The following MAP4K5 variants were observed in gnomAD, a reference collection of about 807,000 sequenced individuals.
MAP4K5 encodes MAPK/ERK kinase kinase kinase 5.
In MAP4K5, 82 loss-of-function variants were observed where a neutral mutation model predicts 135.6. That is an observed-to-expected ratio of 0.60 (90% confidence interval 0.51 to 0.73). The LOEUF (loss-of-function observed/expected upper bound fraction) is 0.73. Ranked by LOEUF, MAP4K5 falls within the 30% of genes least tolerant of loss-of-function variation. The probability of loss-of-function intolerance (pLI) is 0.00; values close to 1 mark genes in which losing one functional copy is unlikely to be tolerated. For missense variants in MAP4K5, 907 were observed against 1,010.9 expected (o/e 0.90, Z 1.39); for synonymous variants, 347 against 335.0 (o/e 1.04, Z -0.39).
chr14:50,507,873 G>C (rs1051129899), intron 2 of MAP4K5, among the ~76,000 whole-genome samples: 12 of 152,224 alleles, frequency 7.9e-5, no homozygotes, highest in African/African-American at 2.6e-4. Context: ...TCTGCTTGGT[G>C]CAGAGCTGAG....
chr14:50,552,070 CTG>C (rs1223320571), intron 1 of MAP4K5, among the ~76,000 whole-genome samples: 1 of 152,184 alleles, frequency 6.6e-6, no homozygotes, highest in African/African-American at 2.4e-5. Flanking sequence ...GGAAGTCAAA[CTG>C]TTGCTGTTCG....
chr14:50,556,334 G>C (rs2038765217), intron 1 of MAP4K5, among the ~76,000 whole-genome samples: 1 of 152,078 alleles, frequency 6.6e-6, no homozygotes, highest in Admixed American at 6.5e-5. Context: ...TCCCACCTCA[G>C]CCTCTTGAGT....
intron 32 of MAP4K5, among the ~76,000 whole-genome samples, chr14:50,420,531 C>A (rs1196600374): frequency 1.3e-5 from 2 of 152,150 alleles, no homozygotes; most frequent in African/African-American, 2.4e-5. Flanking sequence ...ACTCAGGACG[C>A]TGAGGCAGGA....
intron 2 of MAP4K5, among the ~76,000 whole-genome samples, chr14:50,522,759 G>A (rs1266225359): frequency 6.6e-6 from 1 of 152,098 alleles, no homozygotes; most frequent in Non-Finnish European, 1.5e-5. Context: ...TATTCATATA[G>A]TTCAGCTGTG....
Position 50,475,141 on chromosome 14 carries a change from C to G in MAP4K5, c.478G>C (p.Gly160Arg). Residue 160 changes from glycine to arginine, a missense_variant, in exon 9 of 33, where the codon GGT (glycine) becomes CGT (arginine). This residue lies in a region of MAP4K5 where 21 missense variants were observed against 44.2 expected (regional missense o/e 0.47). Coordinates refer to ENST00000682126, the MANE Select transcript of MAP4K5 (RefSeq NM_006575.6). ...GTAGCTGTTATTTTTGCAGCCACAC[C>G]AAAGTCAGCTAGTGAGGAAAAAAAC... Reference protein sequence around the residue: ...DHGDVKLADFGVAAKITATIA... With the variant: ...DHGDVKLADFRVAAKITATIA... The G allele has an allele frequency of 1.2e-6, 2 of 1,613,660 alleles. No homozygotes were observed. The highest frequency in any genetic ancestry group is 1.7e-6 in the Non-Finnish European group (2 of 1,179,684).
chr14:50,509,876 A>T (rs1595529764), intron 2 of MAP4K5, among the ~76,000 whole-genome samples: 1 of 152,212 alleles, frequency 6.6e-6, no homozygotes, highest in African/African-American at 2.4e-5. Flanking sequence ...ATCTTTGAAC[A>T]TACAGTATAA....
At chr14:50,452,956 T>C (rs1344688122) in intron 14 of MAP4K5, among the ~76,000 whole-genome samples, 2 of 152,152 alleles carry the variant, frequency 1.3e-5, no homozygotes, top group African/African-American at 4.8e-5. Context: ...GTACTTTATT[T>C]CTTAGTCACA....
At chr14:50,545,365 T>A (rs2038617836) in intron 1 of MAP4K5, among the ~76,000 whole-genome samples, 1 of 152,176 alleles carries the variant, frequency 6.6e-6, no homozygotes, top group Admixed American at 6.5e-5. Flanking sequence ...GCTTTTCTTA[T>A]AACAATTGGC....
At chr14:50,466,318 G>A (rs893050911) in intron 11 of MAP4K5, among the ~76,000 whole-genome samples, 1 of 143,228 alleles carries the variant, frequency 7.0e-6, no homozygotes, top group African/African-American at 2.6e-5. Flanking sequence ...GGAGTTTGAG[G>A]TTGCAGTGAG....
In MAP4K5 at chr14:50,445,043, A is replaced by G; in HGVS notation, c.1337T>C (p.Ile446Thr). The G allele has an allele frequency of 2.5e-6, 4 of 1,613,132 alleles. No homozygotes were observed. The South Asian group carries it at 4.4e-5, about 18-fold the overall frequency. ...GCTGCTAATAATGCTAGCCATACCA[A>G]TAGAAGAAGTCTCTGCCACAGGCCC... The part of the protein sequence containing the change: ...SCGPVAETSS[I>T]GNGDGISKLM... Residue 446 changes from isoleucine to threonine, a missense_variant and splice_region_variant, in exon 18 of 33, where the codon ATT (isoleucine) becomes ACT (threonine). Physicochemically the swap from Ile to Thr is moderately conservative, Grantham distance 89. Around this residue, in one of 3 missense-constraint regions of MAP4K5, gnomAD observed 690 missense variants for 777.4 expected, o/e 0.89. Transcript: ENST00000682126.
At chr14:50,462,632 T>C (rs1159673280) in intron 13 of MAP4K5, 33 bp downstream of exon 13, 2 of 1,456,896 alleles carry the variant, frequency 1.4e-6, no homozygotes, top group Non-Finnish European at 1.9e-6. Flanking sequence ...AAAACATTTA[T>C]TTTCAACTAT....
At chr14:50,424,572 T>C (rs1357047704) in intron 31 of MAP4K5, among the ~76,000 whole-genome samples, 2 of 151,668 alleles carry the variant, frequency 1.3e-5, no homozygotes, top group Non-Finnish European at 2.9e-5. Flanking sequence ...TAGCTGGGTG[T>C]GTTGGTGCAT....
chr14:50,421,871 G>A (rs1595409973), intron 32 of MAP4K5, among the ~76,000 whole-genome samples: 1 of 145,296 alleles, frequency 6.9e-6, no homozygotes, highest in East Asian at 2.1e-4. Flanking sequence ...ATCTACACCA[G>A]GATCAATGGA....
At chr14:50,437,577 T>G (rs746329249) in intron 25 of MAP4K5, 43 bp from the exon 26 acceptor site, 1 of 1,280,466 alleles carries the variant, frequency 7.8e-7, no homozygotes, top group South Asian at 1.3e-5. Flanking sequence ...CAGTAGTGGT[T>G]ACAACACAAT....
At chr14:50,473,546 T>C (rs2037017398) in intron 9 of MAP4K5, among the ~76,000 whole-genome samples, 1 of 152,170 alleles carries the variant, frequency 6.6e-6, no homozygotes, top group Admixed American at 6.5e-5. Context: ...CAATATTTCC[T>C]GTTTTTTTAC....
intron 20 of MAP4K5, 117 bp from the exon 21 acceptor site, chr14:50,442,933 T>C: frequency 1.7e-6 from 1 of 603,778 alleles, no homozygotes; most frequent in Non-Finnish European, 2.9e-6. Context: ...TGCTTGTTGT[T>C]TCATTCCAAA....
At chr14:50,486,399 AT>A (rs969694151) in intron 3 of MAP4K5, among the ~76,000 whole-genome samples, 54 of 150,836 alleles carry the variant, frequency 3.6e-4, no homozygotes, top group African/African-American at 4.4e-4. Flanking sequence ...TTACTTACAA[AT>A]TTTTTTTTTC....
chr14:50,462,079 A>C (rs938865092), intron 13 of MAP4K5, among the ~76,000 whole-genome samples: 3 of 152,336 alleles, frequency 2.0e-5, no homozygotes, highest in Middle Eastern at 3.4e-3. Context: ...TCATTCTTTA[A>C]AATTATTTGT....
intron 25 of MAP4K5, 58 bp from the exon 26 acceptor site, chr14:50,437,592 T>G: frequency 2.6e-6 from 3 of 1,160,632 alleles, no homozygotes; most frequent in Non-Finnish European, 3.7e-6. Context: ...CACAATGATT[T>G]GTAAATCAGT....
Sources: gnomAD v4.1 joint callset for allele counts (sites outside exome capture counted in the v4.1 genomes callset) on GRCh38, gnomAD v4.1.1 for gene constraint, gnomAD v4.1.1 regional missense constraint, MANE v1.5 for transcripts, NCBI Gene and HGNC (gene_info 2026-07-23, HGNC 2026-07-21) for gene names.